The following PLCH1 variants were observed in gnomAD, a reference collection of about 807,000 sequenced individuals.
The protein encoded by PLCH1 is 1-phosphatidylinositol 4,5-bisphosphate phosphodiesterase eta-1.
In PLCH1, 60 loss-of-function variants were observed where a neutral mutation model predicts 126.7. The ratio of observed to expected loss-of-function variants is 0.47; its 90% CI spans 0.38 to 0.59. PLCH1 has a LOEUF of 0.59. Ranked by LOEUF, PLCH1 falls within the 20% of genes least tolerant of loss-of-function variation. The pLI is 0.00. For synonymous variants in PLCH1, 719 were observed against 734.9 expected (o/e 0.98, Z 0.35); for missense variants, 1,723 against 2,040.0 (o/e 0.84, Z 2.99).
chr3:155,470,033 AG>A (rs1713124703), intron 21 of PLCH1, among the ~76,000 whole-genome samples: 2 of 152,214 alleles, frequency 1.3e-5, no homozygotes, highest in Admixed American at 1.3e-4. Flanking sequence ...CCTCCTCCAA[AG>A]GAACGCAGTT....
At chr3:155,525,321 G>A (rs569521293) in intron 10 of PLCH1, among the ~76,000 whole-genome samples, 5 of 152,154 alleles carry the variant, frequency 3.3e-5, no homozygotes, top group African/African-American at 7.2e-5. Context: ...CATTTGGGAA[G>A]TGATTAAGTC....
chr3:155,626,375 T>C (rs900343491), intron 2 of PLCH1, among the ~76,000 whole-genome samples: 1 of 152,084 alleles, frequency 6.6e-6, no homozygotes, highest in Non-Finnish European at 1.5e-5. Context: ...TTTAAACACA[T>C]AAGTACTGCC....
rs1213692494 is a variant in PLCH1 at position 155,482,920 on chromosome 3, C to A, written c.3106G>T (p.Val1036Leu). Residue 1036 changes from valine (V) to leucine (L), a missense_variant, in exon 23 of 23, where the codon GTA becomes TTA. Val to Leu is a conservative substitution (Grantham distance 32). Around this residue, in one of 2 missense-constraint regions of PLCH1, gnomAD observed 947 missense variants for 977.1 expected, o/e 0.97. Transcript: ENST00000460012. ...GTGACTGACATGTGGGCAGTAGATA[C>A]AATGGTGTCCCCTTGGCTGGTATCT... ...HKDTSQGDTIVSTAHMSVTGE... is the reference protein window; with the variant it reads ...HKDTSQGDTILSTAHMSVTGE... 6.2e-7 allele frequency: 1 copy of A among 1,614,156 alleles called. No homozygotes were observed. The highest frequency in any genetic ancestry group is 1.1e-5 in the South Asian group (1 of 91,084).
At chr3:155,542,474 A>C (rs930615520) in intron 10 of PLCH1, among the ~76,000 whole-genome samples, 4 of 152,096 alleles carry the variant, frequency 2.6e-5, no homozygotes, top group Admixed American at 2.0e-4. Flanking sequence ...GACAAACAAA[A>C]AGACAGCAGT....
In PLCH1 at chr3:155,645,705, T is replaced by C. The variant is rs1739948529; in HGVS notation, c.80-49327A>G. On this transcript the variant is annotated intron_variant, in intron 2 of 22. Transcript: ENST00000460012. The stretch of plus-strand genomic sequence containing the variant: ...TATGTTGTCCAGGCTTGAACTCCAG[T>C]CCTCCTGCCTCAGCCTCCCAAAGTG... Among the ~76,000 whole-genome samples, 4 of 151,972 alleles carry C rather than the reference T, an allele frequency of 2.6e-5. No homozygotes were observed. In the South Asian group the frequency reaches 6.3e-4, roughly 24 times the overall value.
chr3:155,557,585 C>G (rs1726990580), intron 8 of PLCH1, among the ~76,000 whole-genome samples: 1 of 152,176 alleles, frequency 6.6e-6, no homozygotes, highest in Non-Finnish European at 1.5e-5. Flanking sequence ...ATGGTACTGG[C>G]ATCTTAATAT....
chr3:155,594,646 C>T (rs1206933824), intron 3 of PLCH1, among the ~76,000 whole-genome samples: 4 of 152,022 alleles, frequency 2.6e-5, no homozygotes, highest in Non-Finnish European at 5.9e-5. Context: ...AATGTGAAAC[C>T]CAGGCCCTGT....
chr3:155,508,524 G>A (rs376422474), intron 12 of PLCH1, among the ~76,000 whole-genome samples: 22 of 132,150 alleles, frequency 1.7e-4, no homozygotes, highest in Admixed American at 6.9e-4. Flanking sequence ...TTTGAAATAC[G>A]TCCCATCAAT....
chr3:155,573,787 T>A (rs2108552384), intron 6 of PLCH1, among the ~76,000 whole-genome samples: 1 of 152,160 alleles, frequency 6.6e-6, no homozygotes, highest in Non-Finnish European at 1.5e-5. Context: ...GTGGAAGGAG[T>A]GGCAAAGGTG....
chr3:155,617,115 T>C (rs987899066), intron 2 of PLCH1, among the ~76,000 whole-genome samples: 5 of 152,184 alleles, frequency 3.3e-5, no homozygotes, highest in African/African-American at 1.2e-4. Context: ...TTATCAGTAA[T>C]AATTATTATC....
At chr3:155,741,821 C>T (rs1029955556) in intron 1 of PLCH1, among the ~76,000 whole-genome samples, 1 of 150,706 alleles carries the variant, frequency 6.6e-6, no homozygotes, top group East Asian at 2.0e-4. Flanking sequence ...ATTACTGAAT[C>T]ACTCACCTTA....
At chr3:155,613,576 GA>G (rs1422329048) in intron 2 of PLCH1, among the ~76,000 whole-genome samples, 1 of 152,112 alleles carries the variant, frequency 6.6e-6, no homozygotes, top group Non-Finnish European at 1.5e-5. Context: ...AACAGACACA[GA>G]AAAAGTGTTT....
At chr3:155,665,683 A>G (rs1488779167) in intron 2 of PLCH1, among the ~76,000 whole-genome samples, 1 of 152,184 alleles carries the variant, frequency 6.6e-6, no homozygotes, top group Non-Finnish European at 1.5e-5. Flanking sequence ...GCCTCACCAG[A>G]GCAGAGCTGT....
chr3:155,578,084 T>C (rs1730207695), intron 6 of PLCH1, among the ~76,000 whole-genome samples: 1 of 152,180 alleles, frequency 6.6e-6, no homozygotes, highest in Non-Finnish European at 1.5e-5. Flanking sequence ...GGACTCCTGG[T>C]CTAATGTTCT....
intron 13 of PLCH1, among the ~76,000 whole-genome samples, chr3:155,503,978 C>T (rs1001430140): frequency 2.7e-4 from 41 of 152,264 alleles, no homozygotes; most frequent in Non-Finnish European, 5.7e-4. Flanking sequence ...GAGAATTCAA[C>T]TGCTTCATCC....
Position 155,675,796 on chromosome 3 carries a change from A to C in PLCH1, c.79+28350T>G, listed in dbSNP as rs554747570. ...GCCAGCATGCAAATTCTACTCTTAT[A>C]AAAGTCTACATTTATACGAAAAAAA... On this transcript the variant is annotated intron_variant, in intron 2 of 22. Coordinates refer to ENST00000460012, the MANE Select transcript of PLCH1 (RefSeq NM_014996.4). Among the ~76,000 whole-genome samples, 203 of 152,342 alleles carry C rather than the reference A, an allele frequency of 1.3e-3. 2 individuals carry two copies. The highest frequency in any genetic ancestry group is 0.01 in the Middle Eastern group (3 of 294).
chr3:155,490,561 A>G (rs1370160207), intron 19 of PLCH1, among the ~76,000 whole-genome samples: 1 of 152,206 alleles, frequency 6.6e-6, no homozygotes, highest in Non-Finnish European at 1.5e-5. Flanking sequence ...AATTTCCTTT[A>G]AAAGCAAAAG....
At chr3:155,672,401 A>G (rs1743595153) in intron 2 of PLCH1, among the ~76,000 whole-genome samples, 1 of 152,188 alleles carries the variant, frequency 6.6e-6, no homozygotes, top group Non-Finnish European at 1.5e-5. Flanking sequence ...AGCACACAAC[A>G]TTACAGGTAT....
chr3:155,661,230 G>A (rs1449669699), intron 2 of PLCH1, among the ~76,000 whole-genome samples: 1 of 152,180 alleles, frequency 6.6e-6, no homozygotes, highest in African/African-American at 2.4e-5. Context: ...AGGGTTCTGT[G>A]CTCAGACCAG....
Sources: allele counts gnomAD v4.1 joint callset (sites outside exome capture counted in the v4.1 genomes callset), GRCh38; gene constraint gnomAD v4.1.1; regional missense constraint gnomAD v4.1.1; transcripts MANE v1.5; gene names NCBI Gene and HGNC (gene_info 2026-07-23, HGNC 2026-07-21).